Variants in KAT2A observed in about 807,000 individuals in gnomAD.
KAT2A encodes histone acetyltransferase KAT2A.
Under a neutral mutation model 95.2 loss-of-function variants are expected in KAT2A, and 42 were observed. That is an observed-to-expected ratio of 0.44 (90% confidence interval 0.34 to 0.57). The LOEUF (loss-of-function observed/expected upper bound fraction) is 0.57. KAT2A is among the 20% of genes least tolerant of loss of function. The pLI, the probability that KAT2A is intolerant of heterozygous loss-of-function variation, is 0.01. For synonymous variants in KAT2A, 449 were observed against 448.2 expected (o/e 1.00, Z -0.02); for missense variants, 784 against 1,126.3 (o/e 0.70, Z 4.35).
intron 3 of KAT2A, 41 bp downstream of exon 3, chr17:42,120,171 AACCCCTCAAGGCC>A: frequency 6.2e-7 from 1 of 1,613,522 alleles, no homozygotes; most frequent in Non-Finnish European, 8.5e-7. Flanking sequence ...AGCTGCAGAC[AACCCCTCAAGGCC>A]CCACCTCCTT....
intron 7 of KAT2A, 84 bp downstream of exon 7, chr17:42,118,213 G>A (rs578023947): frequency 5.6e-5 from 63 of 1,119,256 alleles, no homozygotes; most frequent in South Asian, 1.1e-4. Context: ...CAGGGCCTCC[G>A]GCCCAGGTGA....
At position 42,120,757 on chromosome 17, in the gene KAT2A, G is replaced by A. The variant is rs782304845; in HGVS notation, c.412C>T (p.Gln138Ter). The change falls in exon 2 of 18, where the codon CAG becomes TAG. Residue 138 changes from glutamine (Q) to a stop codon, truncating the protein, a stop_gained. Transcript: ENST00000225916. LOFTEE classifies it high-confidence loss of function. The stretch of plus-strand genomic sequence containing the variant: ...AGCTCACTCAGGTTGGCAGCTGGCT[G>A]CTGCAGATCCATGCGGGGTGCAGTG... ...PPTAPRMDLQ[Q>*]PAANLSELCR... 1 of 1,614,130 alleles carries A rather than the reference G, an allele frequency of 6.2e-7. No homozygotes were observed. The highest frequency in any genetic ancestry group is 1.1e-5 in the South Asian group (1 of 91,090).
chr17:42,117,151 T>G lies in KAT2A; in HGVS notation c.1648A>C (p.Thr550Pro). The change falls in exon 11 of 18, where the codon ACT (threonine) becomes CCT (proline). Residue 550 changes from threonine to proline, a missense_variant. Physicochemically the swap from Thr to Pro is conservative, Grantham distance 38. Around this residue, in one of 6 missense-constraint regions of KAT2A, gnomAD observed 174 missense variants for 324.9 expected, o/e 0.54. Transcript: ENST00000225916. The surrounding 1 kb of genome is among the most constrained non-coding windows in gnomAD (Gnocchi z 8.9). ...CGCCCATCCTTGATCAAGGCCAGAG[T>G]CTTGTGCTTCCTAAGAGAGAGGGGG... ...ARLVFDPKHK[T>P]LALIKDGRVI... The G allele has an allele frequency of 6.2e-7, 1 of 1,613,544 alleles. No homozygotes were observed.
At chr17:42,116,340 G>A (rs1417358934) in intron 11 of KAT2A, among the ~76,000 whole-genome samples, 3 of 152,212 alleles carry the variant, frequency 2.0e-5, no homozygotes, top group African/African-American at 4.8e-5. Context: ...TGAGGTATGC[G>A]ACACACAGAG....
At position 42,115,698 on chromosome 17, in the gene KAT2A, G is replaced by A. The variant is rs200728648; in HGVS notation, c.1875+25C>T. Reference sequence around the variant, plus strand: ...TACCCCAGCCTCCAGGCAAAGGACCGGTGTGGGACGAGGCTACGGGTCACC... The same window carrying A: ...TACCCCAGCCTCCAGGCAAAGGACCAGTGTGGGACGAGGCTACGGGTCACC... On this transcript the variant is annotated intron_variant, in intron 12 of 17. Transcript: ENST00000225916. 232 of 1,425,792 alleles carry A rather than the reference G, an allele frequency of 1.6e-4. No homozygotes were observed. The African/African-American group carries it at 2.1e-3, about 13-fold the overall frequency. The allele number at this position is 1,425,792 out of a possible 1,614,324, so 88.3% of individuals were successfully genotyped here.
intron 1 of KAT2A, 49 bp downstream of exon 1, chr17:42,120,917 C>G (rs2054327170): frequency 6.4e-7 from 1 of 1,553,380 alleles, no homozygotes; most frequent in Admixed American, 1.9e-5. Context: ...CCCACCAGAG[C>G]CCTGGGATGC....
chr17:42,119,925 C>G lies in KAT2A; in HGVS notation c.699+105G>C. The G allele has an allele frequency of 8.6e-7, 1 of 1,168,056 alleles. No homozygotes were observed. Among genetic ancestry groups the G allele is most frequent in the South Asian group, 1.3e-5 (1 of 77,658 alleles). 72.4% of individuals were successfully genotyped at this position (1,168,056 alleles called of 1,614,324 possible). A position where few individuals can be genotyped will look rare whatever the true frequency, so the allele number is the denominator to read the frequency against. On this transcript the variant is annotated intron_variant, in intron 4 of 17. Coordinates refer to ENST00000225916, the MANE Select transcript of KAT2A (RefSeq NM_021078.3). The surrounding 1 kb of genome is among the most constrained non-coding windows in gnomAD (Gnocchi z 5.3). ...CACAAAACACCCTTCCTTCTCTGAA[C>G]CTCCCCAGTGTTCTCAGCTTGAGGA... is the stretch of plus-strand genomic sequence containing the variant.
Position 42,114,645 on chromosome 17 carries a change from A to C in KAT2A, c.2020-41T>G, listed in dbSNP as rs4081541. 6.5e-7 allele frequency: 1 copy of C among 1,549,878 alleles called. No homozygotes were observed. Among genetic ancestry groups the C allele is most frequent in the Admixed American group, 1.7e-5 (1 of 59,716 alleles). On this transcript the variant is annotated intron_variant, in intron 13 of 17. Coordinates refer to ENST00000225916, the MANE Select transcript of KAT2A (RefSeq NM_021078.3). This position sits in a 1 kb window ranked among gnomAD's most constrained non-coding sequence, Gnocchi z 6.0. The stretch of plus-strand genomic sequence containing the variant: ...GACTGAGGGGCCAACTCCAGCCCCA[A>C]CAACAACCCCTCCCAGGGCCACAGT...
In KAT2A at chr17:42,119,970, C is replaced by T; in HGVS notation, c.699+60G>A. The T allele has an allele frequency of 7.1e-7, 1 of 1,415,564 alleles. No homozygotes were observed. The highest frequency in any genetic ancestry group is 1.0e-6 in the Non-Finnish European group (1 of 1,001,236). 87.7% of individuals were successfully genotyped at this position (1,415,564 alleles called of 1,614,324 possible). ...TGAGGAGAATGGAGAACACAGGCTC[C>T]CCACTCCTCCAAGCTGTCCCCAATT... On this transcript the variant is annotated intron_variant, in intron 4 of 17. Coordinates refer to ENST00000225916, the MANE Select transcript of KAT2A (RefSeq NM_021078.3). This position sits in a 1 kb window ranked among gnomAD's most constrained non-coding sequence, Gnocchi z 5.3.
intron 2 of KAT2A, 148 bp from the exon 3 acceptor site, chr17:42,120,518 G>T: frequency 8.1e-7 from 1 of 1,227,446 alleles, no homozygotes; most frequent in Non-Finnish European, 1.2e-6. Context: ...ATCAACCGTT[G>T]GGTTGCCTGG....
rs782694416 is a variant in KAT2A at position 42,121,318 on chromosome 17, G to T, written c.-14C>A. 7.3e-7 allele frequency: 1 copy of T among 1,365,730 alleles called. No individual in the cohort carries two copies. The highest frequency in any genetic ancestry group is 9.4e-7 in the Non-Finnish European group (1 of 1,066,992). 84.6% of individuals were successfully genotyped at this position (1,365,730 alleles called of 1,614,324 possible). On this transcript the variant is annotated 5_prime_UTR_variant, in exon 1 of 18. It adds an upstream start codon to the 5' untranslated region. Coordinates refer to ENST00000225916, the MANE Select transcript of KAT2A (RefSeq NM_021078.3). The stretch of plus-strand genomic sequence containing the variant: ...AGGTTCCGCCATGGCCTCCCCCGCA[G>T]CGGAGAGCGGCGCCGCGCTCCCAGC...
intron 11 of KAT2A, 82 bp from the exon 12 acceptor site, chr17:42,115,915 G>C: frequency 1.2e-6 from 1 of 824,050 alleles, no homozygotes; most frequent in Admixed American, 1.7e-5. Context: ...GAGAAGAGCG[G>C]GTAGATTGGA....
chr17:42,120,057 A>AG lies in KAT2A; in HGVS notation c.671dup (p.Pro225SerfsTer3). On this transcript the variant is annotated frameshift_variant, in exon 4 of 18. Transcript: ENST00000225916. LOFTEE classifies it high-confidence loss of function. ...GCTCAATATTAGGTTTCTCAAATGG[A>AG]GGGCTGCCCAGGGACCCCTCCACCA... 6.2e-7 allele frequency: 1 copy of AG among 1,614,050 alleles called. No individual in the cohort carries two copies. Among genetic ancestry groups the AG allele is most frequent in the Non-Finnish European group, 8.5e-7 (1 of 1,179,968 alleles).
Position 42,119,935 on chromosome 17 carries a change from G to T in KAT2A, c.699+95C>A. ...CCTTCCTTCTCTGAACCTCCCCAGT[G>T]TTCTCAGCTTGAGGAGAATGGAGAA... On this transcript the variant is annotated intron_variant, in intron 4 of 17. Transcript: ENST00000225916. This position sits in a 1 kb window ranked among gnomAD's most constrained non-coding sequence, Gnocchi z 5.3. 2 of 1,220,300 alleles carry T rather than the reference G, an allele frequency of 1.6e-6. No homozygotes were observed. Among genetic ancestry groups the T allele is most frequent in the Non-Finnish European group, 2.4e-6 (2 of 828,930 alleles). The allele number at this position is 1,220,300 out of a possible 1,614,324, so 75.6% of individuals were successfully genotyped here. A position where few individuals can be genotyped will look rare whatever the true frequency, so the allele number is the denominator to read the frequency against.
In KAT2A at chr17:42,117,982, T is replaced by C; in HGVS notation, c.1216A>G (p.Ile406Val). ...CCCCCACCCATGCTGGGGCTGAAGA[T>C]GGGGGTGCTGGGAACAACCGCTGCA... The part of the protein sequence containing the change: ...VSAAVVPSTP[I>V]FSPSMGGGSN... Residue 406 changes from isoleucine to valine, a missense_variant, in exon 8 of 18, where the codon ATC becomes GTC. Physicochemically the swap from Ile to Val is conservative, Grantham distance 29. Around this residue, in one of 6 missense-constraint regions of KAT2A, gnomAD observed 63 missense variants for 70.1 expected, o/e 0.90. Transcript: ENST00000225916. The surrounding 1 kb of genome is among the most constrained non-coding windows in gnomAD (Gnocchi z 8.9). The C allele has an allele frequency of 6.2e-7, 1 of 1,605,136 alleles. No individual in the cohort carries two copies. Among genetic ancestry groups the C allele is most frequent in the African/African-American group, 1.4e-5 (1 of 73,504 alleles).
chr17:42,113,984 A>T lies in KAT2A; in HGVS notation c.2320+16T>A. ...GACAGAAGAGGAGGGAAGGGGATGG[A>T]ATGGAAGGTCCTCACCAATGGGGAA... On this transcript the variant is annotated intron_variant, in intron 17 of 17. Transcript: ENST00000225916. 6.6e-7 allele frequency: 1 copy of T among 1,506,332 alleles called. No homozygotes were observed. 93.3% of individuals were successfully genotyped at this position (1,506,332 alleles called of 1,614,324 possible). A position where few individuals can be genotyped will look rare whatever the true frequency, so the allele number is the denominator to read the frequency against.
At position 42,117,296 on chromosome 17, in the gene KAT2A, G is replaced by T; in HGVS notation, c.1637+92C>A. On this transcript the variant is annotated intron_variant, in intron 10 of 17. Coordinates refer to ENST00000225916, the MANE Select transcript of KAT2A (RefSeq NM_021078.3). This position sits in a 1 kb window ranked among gnomAD's most constrained non-coding sequence, Gnocchi z 8.9. ...AAAGGATGAACCTCAGAAGTGGGGAGCAGGGGATCCCCAATTTTGAGGAGT... is the reference window on the plus strand; with the variant it reads ...AAAGGATGAACCTCAGAAGTGGGGATCAGGGGATCCCCAATTTTGAGGAGT... 12 of 1,534,696 alleles carry T rather than the reference G, an allele frequency of 7.8e-6. No individual in the cohort carries two copies. The highest frequency in any genetic ancestry group is 1.1e-5 in the Non-Finnish European group (12 of 1,116,420).
chr17:42,116,860 TTCCTA>T (rs2054265288), intron 11 of KAT2A, among the ~76,000 whole-genome samples, 170 bp downstream of exon 11: 1 of 152,216 alleles, frequency 6.6e-6, no homozygotes. Context: ...AACAGGTGGT[TTCCTA>T]ATCCACAGTT....
At chr17:42,116,803 G>A (rs1296975557) in intron 11 of KAT2A, among the ~76,000 whole-genome samples, 2 of 152,362 alleles carry the variant, frequency 1.3e-5, no homozygotes, top group Middle Eastern at 3.4e-3. Context: ...GAAAACCCAA[G>A]TCCACAGGTC....
Sources: gnomAD v4.1 joint callset for allele counts (sites outside exome capture counted in the v4.1 genomes callset) on GRCh38, gnomAD v4.1.1 for gene constraint, gnomAD v4.1.1 regional missense constraint, Gnocchi (gnomAD v3.1) non-coding constraint, MANE v1.5 for transcripts, NCBI Gene and HGNC (gene_info 2026-07-23, HGNC 2026-07-21) for gene names.